The following ADCK1 variants were observed in gnomAD, a reference collection of about 807,000 sequenced individuals.
The protein encoded by ADCK1 is aarF domain-containing protein kinase 1.
Under a neutral mutation model 52.3 loss-of-function variants are expected in ADCK1, and 41 were observed. The observed-to-expected ratio is 0.78, with a 90% CI of 0.61 to 1.02. The LOEUF is 1.02. Among genes scored for constraint, ADCK1 ranks in the 50% least tolerant of loss-of-function variants. ADCK1 has a pLI of 0.00. For synonymous variants in ADCK1, 250 were observed against 274.6 expected, an observed-to-expected ratio of 0.91 and a Z score of 0.89; for missense variants, 658 against 679.5, an observed-to-expected ratio of 0.97 and a Z score of 0.35.
At chr14:77,814,083 A>C (rs1331821342) in intron 1 of ADCK1, among the ~76,000 whole-genome samples, 1 of 143,782 alleles carries the variant, frequency 7.0e-6, no homozygotes, top group African/African-American at 2.6e-5. Flanking sequence ...TTTTTTTTTA[A>C]ATTTTATTTT....
At chr14:77,862,777 G>A (rs1199374524) in intron 4 of ADCK1, among the ~76,000 whole-genome samples, 3 of 152,208 alleles carry the variant, frequency 2.0e-5, no homozygotes, top group Non-Finnish European at 4.4e-5. Flanking sequence ...GTGTAGCCAG[G>A]GATGGGTACG....
rs1447639649 is a variant in ADCK1 at position 77,859,081 on chromosome 14, C to T, written c.225C>T (p.His75=). 2 of 1,602,072 alleles carry T rather than the reference C, an allele frequency of 1.2e-6. No homozygotes were observed. The highest frequency in any genetic ancestry group is 2.2e-5 in the East Asian group (1 of 44,756). Residue 75 remains histidine (H), a synonymous_variant, in exon 4 of 11, where the codon CAC becomes CAT. Coordinates refer to ENST00000238561, the MANE Select transcript of ADCK1 (RefSeq NM_020421.4). ...EEYLQLRSKV[H]LRSARRLCEL... ...CCTGGCCTGTCTTCCTGCAGGTGCA[C>T]CTTCGCTCTGCCAGGCGTCTCTGTG...
chr14:77,889,547 G>A (rs2083235560), intron 5 of ADCK1, among the ~76,000 whole-genome samples: 3 of 152,200 alleles, frequency 2.0e-5, no homozygotes, highest in African/African-American at 7.2e-5. Flanking sequence ...GATGCTGTTT[G>A]AGGCAGAAGA....
intron 1 of ADCK1, among the ~76,000 whole-genome samples, chr14:77,810,561 C>T (rs1041160213): frequency 1.4e-4 from 21 of 147,776 alleles, no homozygotes; most frequent in Non-Finnish European, 2.7e-4. Flanking sequence ...GACGGAGTCT[C>T]GCTCTGTCTC....
chr14:77,856,406 G>C (rs569222580), intron 3 of ADCK1, among the ~76,000 whole-genome samples: 5 of 152,078 alleles, frequency 3.3e-5, no homozygotes, highest in Admixed American at 6.5e-5. Flanking sequence ...TCTGTGTGTG[G>C]GGTGTGTATG....
intron 6 of ADCK1, among the ~76,000 whole-genome samples, chr14:77,902,113 G>A (rs1390812973): frequency 3.3e-5 from 5 of 152,184 alleles, no homozygotes; most frequent in Non-Finnish European, 7.3e-5. Flanking sequence ...AGAAATGGAG[G>A]AAGTGTCTAT....
intron 4 of ADCK1, among the ~76,000 whole-genome samples, chr14:77,877,180 A>G (rs1474459916): frequency 6.6e-6 from 1 of 152,210 alleles, no homozygotes; most frequent in Non-Finnish European, 1.5e-5. Flanking sequence ...ATGCCACTGC[A>G]CTCCAGCCTG....
Position 77,924,511 on chromosome 14 carries a change from G to C in ADCK1, c.913G>C (p.Val305Leu). 2.5e-6 allele frequency: 4 copies of C among 1,614,106 alleles called. No homozygotes were observed. Among genetic ancestry groups the C allele is most frequent in the Non-Finnish European group, 3.4e-6 (4 of 1,180,028 alleles). The change falls in exon 8 of 11, where the codon GTG (valine) becomes CTG (leucine). Residue 305 changes from valine to leucine, a missense_variant. Coordinates refer to ENST00000238561, the MANE Select transcript of ADCK1 (RefSeq NM_020421.4). ...TGAGATGATCTTCGTCAATGGCTTC[G>C]TGCACTGCGATCCCCACCCCGGCAA... ...YSEMIFVNGFVHCDPHPGNVL... is the reference protein window; with the variant it reads ...YSEMIFVNGFLHCDPHPGNVL...
intron 7 of ADCK1, among the ~76,000 whole-genome samples, chr14:77,921,813 C>T (rs1476997394): frequency 6.6e-6 from 1 of 152,150 alleles, no homozygotes; most frequent in Non-Finnish European, 1.5e-5. Flanking sequence ...GCAAGGGCTC[C>T]CAATCCTGAG....
At chr14:77,816,881 A>AAAATATATATATATATATATATATAT (rs150077207) in intron 1 of ADCK1, among the ~76,000 whole-genome samples, 12 of 110,024 alleles carry the variant, frequency 1.1e-4, no homozygotes, top group African/African-American at 3.5e-4. Context: ...GTAGATGGTA[A>AAAATATATATATATATATATATATAT]ATATATATAT....
chr14:77,928,174 A>T (rs900415160), intron 9 of ADCK1, among the ~76,000 whole-genome samples: 2 of 152,100 alleles, frequency 1.3e-5, no homozygotes, highest in Non-Finnish European at 2.9e-5. Flanking sequence ...AGGCTGCATC[A>T]TAGCTTTTTG....
At chr14:77,859,046 CCT>C in intron 3 of ADCK1, 28 bp from the exon 4 acceptor site, 4 of 1,564,338 alleles carry the variant, frequency 2.6e-6, no homozygotes, top group Non-Finnish European at 2.6e-6. Context: ...TGCACTCACA[CCT>C]CTCTGGTCCT....
At chr14:77,827,994 A>G in intron 3 of ADCK1, 1 of 283,292 alleles carries the variant, frequency 3.5e-6, no homozygotes, top group East Asian at 1.4e-4. Context: ...ATGCCCGGAT[A>G]ATTTTTTGTG....
chr14:77,902,078 C>G (rs1255095805), intron 6 of ADCK1, among the ~76,000 whole-genome samples: 1 of 152,150 alleles, frequency 6.6e-6, no homozygotes, highest in African/African-American at 2.4e-5. Context: ...CCTAAGGTGT[C>G]CTTTTGGCTT....
intron 4 of ADCK1, among the ~76,000 whole-genome samples, chr14:77,870,698 C>T (rs1206574662): frequency 1.3e-5 from 2 of 152,220 alleles, no homozygotes; most frequent in Non-Finnish European, 2.9e-5. Context: ...GGCAGTGAGT[C>T]AGGAGGCCAT....
chr14:77,808,989 GTGAGGAATGAA>G (rs1257369867), intron 1 of ADCK1, among the ~76,000 whole-genome samples: 1 of 152,224 alleles, frequency 6.6e-6, no homozygotes, highest in African/African-American at 2.4e-5. Context: ...AATTAGACTA[GTGAGGAATGAA>G]TGAGGAATTC....
intron 7 of ADCK1, among the ~76,000 whole-genome samples, chr14:77,920,835 A>C (rs995663372): frequency 3.3e-5 from 5 of 151,938 alleles, no homozygotes; most frequent in African/African-American, 1.2e-4. Flanking sequence ...TTTTCTGTAG[A>C]GATGGGGTCT....
chr14:77,930,126 C>CT (rs77542868), intron 9 of ADCK1, among the ~76,000 whole-genome samples: 76,666 of 151,828 alleles, frequency 0.5, 20,137 homozygotes, highest in African/African-American at 0.64. Flanking sequence ...CAGGCCAGTC[C>CT]GACCGTGCTG....
intron 6 of ADCK1, among the ~76,000 whole-genome samples, chr14:77,905,304 G>GTTTTTTTTTTTTTGTTTT (rs2083637285): frequency 1.0e-5 from 1 of 96,278 alleles, no homozygotes; most frequent in African/African-American, 4.3e-5. Context: ...TTCCTAGCTG[G>GTTTTTTTTTTTTTGTTTT]TTTTTTTTTT....
Sources: allele counts gnomAD v4.1 joint callset (sites outside exome capture counted in the v4.1 genomes callset), GRCh38; gene constraint gnomAD v4.1.1; transcripts MANE v1.5; gene names NCBI Gene and HGNC (gene_info 2026-07-23, HGNC 2026-07-21).